Variants in MRTFB observed in about 807,000 individuals in gnomAD.
The protein encoded by MRTFB is myocardin-related transcription factor B.
Under a neutral mutation model 104.2 loss-of-function variants are expected in MRTFB, and 29 were observed. That is an observed-to-expected ratio of 0.28 (90% CI 0.21 to 0.38). The LOEUF (loss-of-function observed/expected upper bound fraction) is 0.38, where lower values mean the gene tolerates loss of function less well. Ranked by LOEUF, MRTFB falls within the 10% of genes least tolerant of loss-of-function variation. The pLI, the probability that MRTFB is intolerant of heterozygous loss-of-function variation, is 1.00. For missense variants in MRTFB, 1,270 were observed against 1,341.6 expected (o/e 0.95, Z 0.83); for synonymous variants, 535 against 519.5 (o/e 1.03, Z -0.41).
chr16:14,073,285 A>G (rs1257153350), intron 1 of MRTFB, among the ~76,000 whole-genome samples: 1 of 152,218 alleles, frequency 6.6e-6, no homozygotes, highest in Non-Finnish European at 1.5e-5. Context: ...TGTTGTGTGA[A>G]GTCTTTTAGA....
At chr16:14,091,721 G>A (rs756645463) in intron 2 of MRTFB, among the ~76,000 whole-genome samples, 4 of 151,918 alleles carry the variant, frequency 2.6e-5, no homozygotes, top group East Asian at 3.9e-4. Context: ...AAAGCCGGGC[G>A]TGGTGGCTCA....
intron 4 of MRTFB, among the ~76,000 whole-genome samples, chr16:14,211,583 A>G (rs369459288): frequency 2.6e-5 from 4 of 152,196 alleles, no homozygotes; most frequent in Admixed American, 1.3e-4. Context: ...ATATGCAGAC[A>G]AGATTTTGCA....
chr16:14,005,767 C>T, the MRTFB span, among the ~76,000 whole-genome samples: 1 of 152,212 alleles, frequency 6.6e-6, no homozygotes, highest in Non-Finnish European at 1.5e-5. Flanking sequence ...CCAGGGCCCC[C>T]TTAGGCCAGT....
At chr16:14,041,763 C>T in the MRTFB span, among the ~76,000 whole-genome samples, 1 of 151,476 alleles carries the variant, frequency 6.6e-6, no homozygotes, top group Admixed American at 6.6e-5. Context: ...CCCGTCTCTA[C>T]TAAAAATACA....
At position 14,080,677 on chromosome 16, in the gene MRTFB, C is replaced by T. The variant is rs2034344466; in HGVS notation, c.-64+1323C>T. Among the ~76,000 whole-genome samples, 3 of 152,180 alleles carry T rather than the reference C, an allele frequency of 2.0e-5. No homozygotes were observed. In the South Asian group the frequency reaches 6.2e-4, roughly 32 times the overall value. On this transcript the variant is annotated intron_variant, in intron 2 of 16. Transcript: ENST00000571589. Reference sequence around the variant, plus strand: ...CCACCTGCCCCCGACCTTCTAACGCCTCTGGTAACCATCATTCTACTCTCT... The same window carrying T: ...CCACCTGCCCCCGACCTTCTAACGCTTCTGGTAACCATCATTCTACTCTCT...
intron 3 of MRTFB, among the ~76,000 whole-genome samples, chr16:14,173,176 G>A (rs2039477856): frequency 6.6e-6 from 1 of 151,918 alleles, no homozygotes; most frequent in East Asian, 1.9e-4. Flanking sequence ...CTTTTTCTGT[G>A]TTTTTCCGGC....
intron 13 of MRTFB, among the ~76,000 whole-genome samples, chr16:14,250,053 C>T (rs749824124): frequency 2.6e-5 from 4 of 151,960 alleles, no homozygotes; most frequent in Non-Finnish European, 5.9e-5. Flanking sequence ...AATGTTAAGA[C>T]AATTTGTTTT....
At chr16:14,072,837 T>C (rs981233130) in intron 1 of MRTFB, among the ~76,000 whole-genome samples, 1 of 152,198 alleles carries the variant, frequency 6.6e-6, no homozygotes, top group African/African-American at 2.4e-5. Flanking sequence ...TACGTAAATA[T>C]TAGCACAAGC....
chr16:14,025,178 A>C, the MRTFB span, among the ~76,000 whole-genome samples: 2 of 152,288 alleles, frequency 1.3e-5, no homozygotes, highest in African/African-American at 4.8e-5. Flanking sequence ...AGAAGGATGA[A>C]ATAAATGTTT....
In MRTFB at chr16:14,262,842, T is replaced by C. The variant is rs1446533204; in HGVS notation, c.*1398T>C. The C allele has an allele frequency of 6.6e-6, 1 of 152,216 alleles. No homozygotes were observed. The highest frequency in any genetic ancestry group is 1.9e-4 in the East Asian group (1 of 5,202). The allele number at this position is 152,216 out of a possible 1,614,324, so 9.4% of individuals were successfully genotyped here. ...GAGCATGGAGATTTTTCTTAAATAA[T>C]AATATTGTGCTCTCCACCTCACCCT... On this transcript the variant is annotated 3_prime_UTR_variant, in exon 17 of 17. Coordinates refer to ENST00000571589, the MANE Select transcript of MRTFB (RefSeq NM_001308142.2).
intron 14 of MRTFB, 128 bp from the exon 15 acceptor site, chr16:14,252,237 C>A: frequency 1.4e-6 from 2 of 1,429,184 alleles, no homozygotes; most frequent in Non-Finnish European, 1.9e-6. Context: ...CTCACAGGTG[C>A]TTAAAAGAAC....
chr16:14,015,466 G>C, the MRTFB span, among the ~76,000 whole-genome samples: 1 of 152,080 alleles, frequency 6.6e-6, no homozygotes, highest in Non-Finnish European at 1.5e-5. Context: ...AGAAATATAG[G>C]GGACCTGGGA....
chr16:14,189,411 A>C (rs1023808323), intron 3 of MRTFB, among the ~76,000 whole-genome samples: 4 of 152,186 alleles, frequency 2.6e-5, no homozygotes, highest in Non-Finnish European at 5.9e-5. Context: ...ACATGAATCC[A>C]TGGAAGTTAA....
At chr16:14,049,292 A>G in the MRTFB span, among the ~76,000 whole-genome samples, 3 of 152,382 alleles carry the variant, frequency 2.0e-5, no homozygotes, top group East Asian at 5.8e-4. Flanking sequence ...AATGAAAAAC[A>G]TTAAAGAAAT....
chr16:14,069,631 T>G (rs2141737395), upstream of MRTFB, among the ~76,000 whole-genome samples: 1 of 152,320 alleles, frequency 6.6e-6, no homozygotes, highest in East Asian at 1.9e-4. Flanking sequence ...ACTCCAGGCA[T>G]GTGCCACCAT....
chr16:14,041,763 C>A, the MRTFB span, among the ~76,000 whole-genome samples: 1 of 151,476 alleles, frequency 6.6e-6, no homozygotes, highest in South Asian at 2.1e-4. Flanking sequence ...CCCGTCTCTA[C>A]TAAAAATACA....
At chr16:14,228,612 T>C (rs774299995) in intron 8 of MRTFB, among the ~76,000 whole-genome samples, 1 of 151,614 alleles carries the variant, frequency 6.6e-6, no homozygotes, top group African/African-American at 2.4e-5. Context: ...TTAGATCAGA[T>C]ATTTGTATAT....
intron 3 of MRTFB, among the ~76,000 whole-genome samples, chr16:14,210,034 A>G (rs977114969): frequency 6.6e-6 from 1 of 152,240 alleles, no homozygotes; most frequent in Admixed American, 6.5e-5. Flanking sequence ...CAAAAAATTT[A>G]TACTGTGTAA....
At chr16:14,220,781 C>G (rs2041658338) in intron 8 of MRTFB, among the ~76,000 whole-genome samples, 1 of 152,184 alleles carries the variant, frequency 6.6e-6, no homozygotes, top group African/African-American at 2.4e-5. Context: ...AGCTTTTTAT[C>G]TGTCAACTAG....
Sources: allele counts gnomAD v4.1 joint callset (sites outside exome capture counted in the v4.1 genomes callset), GRCh38; gene constraint gnomAD v4.1.1; transcripts MANE v1.5; gene names NCBI Gene and HGNC (gene_info 2026-07-23, HGNC 2026-07-21).